Variants in HSD17B12 observed in about 807,000 individuals in gnomAD.
HSD17B12 encodes very-long-chain 3-oxoacyl-CoA reductase.
Under a neutral mutation model 39.3 loss-of-function variants are expected in HSD17B12, and 32 were observed. That is an observed-to-expected ratio of 0.81 (90% confidence interval 0.61 to 1.09). HSD17B12 has a LOEUF of 1.09. Ranked by LOEUF, HSD17B12 falls within the 50% of genes least tolerant of loss-of-function variation. HSD17B12 has a pLI of 0.00. For missense variants in HSD17B12, 342 were observed against 382.9 expected (o/e 0.89, Z 0.89); for synonymous variants, 150 against 146.7 (o/e 1.02, Z -0.16).
chr11:43,837,917 T>A (rs1951386722), intron 7 of HSD17B12: 1 of 171,132 alleles, frequency 5.8e-6, no homozygotes, highest in South Asian at 1.6e-4. Flanking sequence ...CATAGAATGA[T>A]TAAATCCTAC....
chr11:43,746,018 A>C (rs1457159598), intron 1 of HSD17B12, among the ~76,000 whole-genome samples: 1 of 152,186 alleles, frequency 6.6e-6, no homozygotes, highest in African/African-American at 2.4e-5. Flanking sequence ...TCTTAAAAAT[A>C]AACAAACAAA....
the HSD17B12 span, among the ~76,000 whole-genome samples, chr11:43,585,349 C>T: frequency 6.6e-6 from 1 of 152,078 alleles, no homozygotes; most frequent in Non-Finnish European, 1.5e-5. Flanking sequence ...TTTGAAACCC[C>T]AGGGCTGTCA....
At chr11:43,757,897 C>A (rs917121578) in intron 3 of HSD17B12, among the ~76,000 whole-genome samples, 3 of 152,036 alleles carry the variant, frequency 2.0e-5, no homozygotes, top group African/African-American at 7.2e-5. Flanking sequence ...ACTCCAGTAA[C>A]AAAACTGGAG....
the HSD17B12 span, among the ~76,000 whole-genome samples, chr11:43,559,422 CCT>C: frequency 6.6e-6 from 1 of 152,202 alleles, no homozygotes; most frequent in Non-Finnish European, 1.5e-5. Flanking sequence ...GGAAAGACCA[CCT>C]CTCTCAGGTT....
At chr11:43,562,078 T>C in the HSD17B12 span, among the ~76,000 whole-genome samples, 1 of 152,196 alleles carries the variant, frequency 6.6e-6, no homozygotes, top group African/African-American at 2.4e-5. Flanking sequence ...ACAATGGGAG[T>C]ATTCACATTA....
At chr11:43,724,140 A>C (rs1042000238) in intron 1 of HSD17B12, 3 of 151,688 alleles carry the variant, frequency 2.0e-5, no homozygotes, top group African/African-American at 7.3e-5. Context: ...AATTGCATGC[A>C]TTGGGGATTC....
At chr11:43,810,544 A>G (rs1015408782) in intron 4 of HSD17B12, among the ~76,000 whole-genome samples, 2 of 151,796 alleles carry the variant, frequency 1.3e-5, no homozygotes, top group Non-Finnish European at 2.9e-5. Flanking sequence ...GCAAGGATCA[A>G]CTCTTAAGAG....
intron 3 of HSD17B12, among the ~76,000 whole-genome samples, chr11:43,760,836 A>T (rs1159382818): frequency 6.6e-6 from 1 of 152,204 alleles, no homozygotes; most frequent in Admixed American, 6.5e-5. Context: ...TAGAGAGTTA[A>T]TCTCATATAG....
At chr11:43,578,610 T>C in the HSD17B12 span, among the ~76,000 whole-genome samples, 4 of 152,326 alleles carry the variant, frequency 2.6e-5, no homozygotes, top group Middle Eastern at 3.4e-3. Context: ...GACCTACTGG[T>C]TCCCTTTCCC....
intron 9 of HSD17B12, chr11:43,848,652 A>G (rs1445676721): frequency 6.6e-6 from 1 of 152,230 alleles, no homozygotes. Context: ...ATAGCCTCTA[A>G]TTACAGAGGA....
At chr11:43,715,154 A>G (rs1336184895) in intron 1 of HSD17B12, among the ~76,000 whole-genome samples, 2 of 151,982 alleles carry the variant, frequency 1.3e-5, no homozygotes, top group East Asian at 3.9e-4. Flanking sequence ...AGAACTTCCA[A>G]CACTATGTTG....
the HSD17B12 span, chr11:43,645,198 C>G: frequency 6.6e-6 from 1 of 152,172 alleles, no homozygotes. Context: ...TGTCGTGTAT[C>G]ACAATCTCAG....
At chr11:43,834,272 A>G (rs1951344799) in intron 7 of HSD17B12, 1 of 151,988 alleles carries the variant, frequency 6.6e-6, no homozygotes, top group Non-Finnish European at 1.5e-5. Context: ...TATTATATTT[A>G]AGCTTTAATA....
intron 6 of HSD17B12, among the ~76,000 whole-genome samples, chr11:43,820,032 A>G (rs897087957): frequency 5.9e-5 from 9 of 152,222 alleles, no homozygotes; most frequent in African/African-American, 2.2e-4. Flanking sequence ...TACTACATGC[A>G]GAAGCAATGT....
the HSD17B12 span, among the ~76,000 whole-genome samples, chr11:43,590,898 G>C: frequency 3.7e-3 from 556 of 151,150 alleles, 4 homozygotes; most frequent in African/African-American, 0.013. Flanking sequence ...TGCTACAGGT[G>C]GGTGTTCTAT....
chr11:43,821,100 C>T (rs1158543092), intron 6 of HSD17B12, among the ~76,000 whole-genome samples: 1 of 152,162 alleles, frequency 6.6e-6, no homozygotes, highest in Non-Finnish European at 1.5e-5. Flanking sequence ...GCTATAGACC[C>T]ATGATGTTTA....
intron 1 of HSD17B12, among the ~76,000 whole-genome samples, chr11:43,719,325 T>C (rs544636625): frequency 3.3e-5 from 5 of 152,316 alleles, no homozygotes; most frequent in African/African-American, 1.2e-4. Context: ...CCACCATGTT[T>C]GATCACTCCA....
chr11:43,743,532 T>C (rs1950387262), intron 1 of HSD17B12, among the ~76,000 whole-genome samples: 2 of 152,180 alleles, frequency 1.3e-5, no homozygotes, highest in Admixed American at 6.5e-5. Flanking sequence ...GGGGCAGATG[T>C]GCTTGAGACT....
chr11:43,613,435 G>A, the HSD17B12 span, among the ~76,000 whole-genome samples: 18,131 of 150,358 alleles, frequency 0.12, 1,396 homozygotes, highest in Middle Eastern at 0.24. Flanking sequence ...AAAAACAAAC[G>A]AACAACAACA....
Sources: gnomAD v4.1 joint callset for allele counts (sites outside exome capture counted in the v4.1 genomes callset) on GRCh38, gnomAD v4.1.1 for gene constraint, MANE v1.5 for transcripts, NCBI Gene and HGNC (gene_info 2026-07-23, HGNC 2026-07-21) for gene names.